CLIC5: variants seen among roughly 807,000 people sequenced by gnomAD.
CLIC5 encodes chloride intracellular channel protein 5.
A neutral mutation model predicts 24.7 loss-of-function variants in CLIC5; 20 were observed. The ratio of observed to expected loss-of-function variants is 0.81; its 90% CI spans 0.57 to 1.18. The LOEUF (loss-of-function observed/expected upper bound fraction) is 1.18, where lower values mean the gene tolerates loss of function less well. Ranked by LOEUF, CLIC5 falls within the 50% of genes most tolerant of loss-of-function variation. The pLI is 0.00. For missense variants in CLIC5, 341 were observed against 326.1 expected, an observed-to-expected ratio of 1.05 and a Z score of -0.35; for synonymous variants, 159 against 135.6, an observed-to-expected ratio of 1.17 and a Z score of -1.20.
upstream of CLIC5, among the ~76,000 whole-genome samples, chr6:46,017,812 C>T (rs1437244638): frequency 6.6e-6 from 1 of 152,180 alleles, no homozygotes; most frequent in East Asian, 1.9e-4. Flanking sequence ...GGTCAGGCAT[C>T]TGATAGGCAA....
rs972835511 is a variant in CLIC5 at position 46,015,511 on chromosome 6, T to G, written c.32A>C (p.Asp11Ala). The G allele has an allele frequency of 7.6e-6, 12 of 1,574,198 alleles. No individual in the cohort carries two copies. The highest frequency in any genetic ancestry group is 1.0e-5 in the Non-Finnish European group (12 of 1,161,674). ...AAAGAGCTCGATCTCGGGGTCCCTG[T>G]CGTCCCCGTTAGCTGTCGCCGAGTC... is the stretch of plus-strand genomic sequence containing the variant. MTDSATANGD[D>A]RDPEIELFVK... Residue 11 changes from aspartate (D) to alanine (A), a missense_variant, in exon 1 of 6, where the codon GAC becomes GCC. Coordinates refer to ENST00000339561, the MANE Select transcript of CLIC5 (RefSeq NM_016929.5).
At chr6:46,114,178 T>G in the CLIC5 span, among the ~76,000 whole-genome samples, 2 of 152,206 alleles carry the variant, frequency 1.3e-5, no homozygotes, top group Non-Finnish European at 2.9e-5. Context: ...GAACCCTTTC[T>G]TGAAGTTCCC....
chr6:45,946,825 T>G (rs1206406006), intron 3 of CLIC5, among the ~76,000 whole-genome samples: 1 of 152,226 alleles, frequency 6.6e-6, no homozygotes, highest in Non-Finnish European at 1.5e-5. Context: ...TCTGGAATAC[T>G]TGATGGCCTC....
intron 1 of CLIC5, among the ~76,000 whole-genome samples, chr6:46,029,013 A>G (rs925792152): frequency 1.3e-5 from 2 of 151,864 alleles, no homozygotes; most frequent in African/African-American, 4.8e-5. Context: ...CTGATCTTTT[A>G]CTGTCTCCAT....
At chr6:46,054,215 C>A (rs764941469) in intron 1 of CLIC5, among the ~76,000 whole-genome samples, 5 of 152,130 alleles carry the variant, frequency 3.3e-5, no homozygotes, top group Non-Finnish European at 5.9e-5. Flanking sequence ...GATATTCTGG[C>A]AGGTATCTAA....
intron 1 of CLIC5, among the ~76,000 whole-genome samples, chr6:46,046,690 A>C (rs1214527971): frequency 2.0e-5 from 3 of 152,190 alleles, no homozygotes; most frequent in Non-Finnish European, 4.4e-5. Context: ...TCTTTCTATT[A>C]ATAACAGTCA....
chr6:45,960,734 C>G (rs1764818199), intron 1 of CLIC5, among the ~76,000 whole-genome samples: 1 of 152,222 alleles, frequency 6.6e-6, no homozygotes, highest in Non-Finnish European at 1.5e-5. Flanking sequence ...TGAAGGCCTT[C>G]TTCTCCACTA....
chr6:45,961,620 T>G (rs1029618118), intron 1 of CLIC5, among the ~76,000 whole-genome samples: 14 of 152,232 alleles, frequency 9.2e-5, no homozygotes, highest in African/African-American at 3.4e-4. Context: ...AATTAGTTAG[T>G]GTAAGTCAGA....
chr6:46,010,040 A>G (rs927597104), intron 1 of CLIC5, among the ~76,000 whole-genome samples: 4 of 152,110 alleles, frequency 2.6e-5, no homozygotes, highest in Non-Finnish European at 5.9e-5. Context: ...ATTGGTCTGC[A>G]GCAATGAGAC....
At chr6:45,992,396 C>T (rs973141534) in intron 1 of CLIC5, among the ~76,000 whole-genome samples, 3 of 152,092 alleles carry the variant, frequency 2.0e-5, no homozygotes, top group African/African-American at 7.2e-5. Flanking sequence ...GCCTGCAAGT[C>T]AAAATAAGAA....
At chr6:46,069,724 A>T (rs1762539044) in intron 1 of CLIC5, among the ~76,000 whole-genome samples, 1 of 152,214 alleles carries the variant, frequency 6.6e-6, no homozygotes, top group Non-Finnish European at 1.5e-5. Context: ...TCATTCTATG[A>T]GGCCAACATC....
intron 5 of CLIC5, among the ~76,000 whole-genome samples, chr6:45,904,638 T>TC (rs376612466): frequency 1.9e-4 from 27 of 141,912 alleles, no homozygotes; most frequent in East Asian, 6.5e-4. Context: ...TCCCTCCCTC[T>TC]TTTCTGTCCC....
chr6:46,047,801 T>C (rs1489697408), intron 1 of CLIC5, among the ~76,000 whole-genome samples: 1 of 152,008 alleles, frequency 6.6e-6, no homozygotes, highest in Non-Finnish European at 1.5e-5. Context: ...TACAAAATCA[T>C]TGGCAAATGA....
intron 4 of CLIC5, among the ~76,000 whole-genome samples, chr6:45,924,154 C>T (rs1424408094): frequency 6.6e-6 from 1 of 152,188 alleles, no homozygotes; most frequent in African/African-American, 2.4e-5. Flanking sequence ...TTGCCTCTGG[C>T]TCTGCTCAGT....
chr6:46,002,008 C>T (rs1170484872), intron 1 of CLIC5, among the ~76,000 whole-genome samples: 1 of 152,048 alleles, frequency 6.6e-6, no homozygotes, highest in Admixed American at 6.6e-5. Flanking sequence ...ACCACCCCCA[C>T]CCCCCACACC....
At chr6:46,076,411 A>T (rs1044263578) in intron 1 of CLIC5, among the ~76,000 whole-genome samples, 1 of 152,244 alleles carries the variant, frequency 6.6e-6, no homozygotes, top group Non-Finnish European at 1.5e-5. Context: ...ATCCCGGATT[A>T]TCCTTGTGGG....
At chr6:46,084,221 C>G (rs12213628), upstream of CLIC5, among the ~76,000 whole-genome samples, 2 of 152,032 alleles carry the variant, frequency 1.3e-5, no homozygotes, top group African/African-American at 2.4e-5. Context: ...GGTCTTGACT[C>G]TTTATCCAAT....
intron 1 of CLIC5, among the ~76,000 whole-genome samples, chr6:45,962,006 CACA>C (rs1764858492): frequency 1.3e-5 from 2 of 150,272 alleles, no homozygotes; most frequent in East Asian, 2.0e-4. Flanking sequence ...ACAGAACCAG[CACA>C]ACATGTATGT....
At chr6:45,913,710 A>G in intron 5 of CLIC5, 1 of 1,040,092 alleles carries the variant, frequency 9.6e-7, no homozygotes, top group East Asian at 3.2e-5. Flanking sequence ...TGATAGCAAG[A>G]AAGTGACATC....
Sources: gnomAD v4.1 joint callset for allele counts (sites outside exome capture counted in the v4.1 genomes callset) on GRCh38, gnomAD v4.1.1 for gene constraint, MANE v1.5 for transcripts, NCBI Gene and HGNC (gene_info 2026-07-23, HGNC 2026-07-21) for gene names.